The following MSH4 variants were observed in gnomAD, a reference collection of about 807,000 sequenced individuals.
The protein encoded by MSH4 is mutS protein homolog 4.
MSH4 carries 106 observed loss-of-function variants against 113.7 expected under a neutral mutation model. That is an observed-to-expected ratio of 0.93 (90% confidence interval 0.80 to 1.10). The LOEUF (loss-of-function observed/expected upper bound fraction) is 1.10, where lower values mean the gene tolerates loss of function less well. Ranked by LOEUF, MSH4 falls within the 50% of genes least tolerant of loss-of-function variation. MSH4 has a pLI of 0.00. For missense variants in MSH4, 1,061 were observed against 1,093.7 expected, an observed-to-expected ratio of 0.97 and a Z score of 0.42; for synonymous variants, 368 against 380.2, an observed-to-expected ratio of 0.97 and a Z score of 0.37.
At chr1:75,827,158 A>G (rs1221510235) in intron 7 of MSH4, among the ~76,000 whole-genome samples, 1 of 152,204 alleles carries the variant, frequency 6.6e-6, no homozygotes, top group Non-Finnish European at 1.5e-5. Flanking sequence ...AAACCCTACA[A>G]GCAAGAAGAG....
At chr1:75,843,915 G>A (rs1393761626) in intron 7 of MSH4, among the ~76,000 whole-genome samples, 4 of 151,886 alleles carry the variant, frequency 2.6e-5, no homozygotes, top group African/African-American at 7.3e-5. Context: ...GGGTTCAAGC[G>A]ATTCTCCTGC....
At chr1:75,832,340 G>A (rs12079065) in intron 7 of MSH4, among the ~76,000 whole-genome samples, 8,926 of 152,124 alleles carry the variant, frequency 0.059, 466 homozygotes, top group African/African-American at 0.14. Context: ...ATTCACAGCC[G>A]AATTCTACCA....
chr1:75,900,102 CAT>C (rs1652476178), intron 19 of MSH4, among the ~76,000 whole-genome samples: 1 of 151,968 alleles, frequency 6.6e-6, no homozygotes, highest in Non-Finnish European at 1.5e-5. Context: ...ATGTAAGCCT[CAT>C]AACTCTTCAT....
At chr1:75,813,273 T>G (rs1248340751) in intron 4 of MSH4, among the ~76,000 whole-genome samples, 1 of 152,204 alleles carries the variant, frequency 6.6e-6, no homozygotes, top group African/African-American at 2.4e-5. Context: ...ATCCTTTTGC[T>G]GTGAGACACA....
At chr1:75,896,394 C>CACACACACACACACACAA (rs571761055) in intron 17 of MSH4, among the ~76,000 whole-genome samples, 1 of 147,178 alleles carries the variant, frequency 6.8e-6, no homozygotes. Context: ...CACACACACA[C>CACACACACACACACACAA]CCTATTGGTC....
intron 18 of MSH4, 112 bp downstream of exon 18, chr1:75,898,193 T>A (rs947903842): frequency 6.3e-5 from 40 of 631,560 alleles, no homozygotes; most frequent in African/African-American, 6.2e-4. Flanking sequence ...TCTCATTCTT[T>A]TGAGTGCTTA....
chr1:75,887,965 G>C (rs1283478928), intron 15 of MSH4, among the ~76,000 whole-genome samples: 1 of 151,330 alleles, frequency 6.6e-6, no homozygotes, highest in Non-Finnish European at 1.5e-5. Context: ...AAATAGAGTA[G>C]AATGGGGGAG....
Position 75,880,159 on chromosome 1 carries a change from A to C in MSH4, c.1781+6A>C, listed in dbSNP as rs1190207277. ...ATCTATCACATGACTTATATGTAAGAGCATTTGAAGTATTTGAATATTGAA... is the reference window on the plus strand; with the variant it reads ...ATCTATCACATGACTTATATGTAAGCGCATTTGAAGTATTTGAATATTGAA... On this transcript the variant is annotated splice_donor_region_variant and intron_variant, in intron 13 of 19. Coordinates refer to ENST00000263187, the MANE Select transcript of MSH4 (RefSeq NM_002440.4). The C allele has an allele frequency of 2.2e-6, 3 of 1,389,542 alleles. No homozygotes were observed. The allele number at this position is 1,389,542 out of a possible 1,614,324, so 86.1% of individuals were successfully genotyped here. A position where few individuals can be genotyped will look rare whatever the true frequency, so the allele number is the denominator to read the frequency against.
At chr1:75,869,821 A>G (rs1198259727) in intron 9 of MSH4, among the ~76,000 whole-genome samples, 1 of 152,178 alleles carries the variant, frequency 6.6e-6, no homozygotes, top group Non-Finnish European at 1.5e-5. Flanking sequence ...CTCTGTTAGG[A>G]CAGTGCAGAA....
At chr1:75,856,153 T>C (rs976489549) in intron 8 of MSH4, among the ~76,000 whole-genome samples, 2 of 152,152 alleles carry the variant, frequency 1.3e-5, no homozygotes, top group Non-Finnish European at 2.9e-5. Context: ...TTTAGAAAAG[T>C]CTTCTGGTCT....
chr1:75,813,694 A>T (rs138179511), intron 4 of MSH4, among the ~76,000 whole-genome samples: 1 of 148,646 alleles, frequency 6.7e-6, no homozygotes, highest in African/African-American at 2.4e-5. Flanking sequence ...CATTATTACT[A>T]TTATGACTAC....
Position 75,867,496 on chromosome 1 carries a change from G to A in MSH4, c.1231-18G>A. 1 of 1,439,572 alleles carries A rather than the reference G, an allele frequency of 6.9e-7. No individual in the cohort carries two copies. The highest frequency in any genetic ancestry group is 2.3e-5 in the East Asian group (1 of 43,728). 89.2% of individuals were successfully genotyped at this position (1,439,572 alleles called of 1,614,324 possible). A position where few individuals can be genotyped will look rare whatever the true frequency, so the allele number is the denominator to read the frequency against. ...ATATTTATGGTGTCCATCCAAATTTGGGTTTTTATCTTAACAGGTCAATGC... is the reference window on the plus strand; with the variant it reads ...ATATTTATGGTGTCCATCCAAATTTAGGTTTTTATCTTAACAGGTCAATGC... On this transcript the variant is annotated intron_variant, in intron 8 of 19. Coordinates refer to ENST00000263187, the MANE Select transcript of MSH4 (RefSeq NM_002440.4).
At chr1:75,814,862 A>G (rs1030806178) in intron 4 of MSH4, among the ~76,000 whole-genome samples, 159 bp from the exon 5 acceptor site, 1 of 152,234 alleles carries the variant, frequency 6.6e-6, no homozygotes, top group Non-Finnish European at 1.5e-5. Context: ...AGCAAGAATA[A>G]TCATTCTTTT....
At chr1:75,835,943 G>A (rs17648749) in intron 7 of MSH4, among the ~76,000 whole-genome samples, 2,073 of 152,246 alleles carry the variant, frequency 0.014, 21 homozygotes, top group Middle Eastern at 0.044. Flanking sequence ...ACCTTTCGGA[G>A]TTCACCTTTT....
chr1:75,860,513 T>A (rs1418883298), intron 8 of MSH4, among the ~76,000 whole-genome samples: 3 of 152,214 alleles, frequency 2.0e-5, no homozygotes, highest in Non-Finnish European at 4.4e-5. Flanking sequence ...TATTTCTCCT[T>A]CACTTATGAA....
At chr1:75,902,709 A>G (rs1347632172) in intron 19 of MSH4, among the ~76,000 whole-genome samples, 92 of 35,324 alleles carry the variant, frequency 2.6e-3, no homozygotes, top group African/African-American at 0.011. Context: ...ATATATATAT[A>G]TATATATATA....
In MSH4 at chr1:75,881,162, A is replaced by T. The variant is rs1011621305; in HGVS notation, c.1782-84A>T. 20 of 1,052,636 alleles carry T rather than the reference A, an allele frequency of 1.9e-5. No homozygotes were observed. In the East Asian group the frequency reaches 4.7e-4, roughly 25 times the overall value. 65.2% of individuals were successfully genotyped at this position (1,052,636 alleles called of 1,614,324 possible). ...ATGTGAATATTATTTTACTTCAGGC[A>T]ATGAATTTAATATTATTTTACGATT... On this transcript the variant is annotated intron_variant, in intron 13 of 19. Coordinates refer to ENST00000263187, the MANE Select transcript of MSH4 (RefSeq NM_002440.4).
intron 19 of MSH4, among the ~76,000 whole-genome samples, chr1:75,907,036 A>C (rs1354664637): frequency 1.3e-5 from 2 of 152,068 alleles, no homozygotes; most frequent in Admixed American, 6.6e-5. Context: ...TAGAGATATG[A>C]GTAGATTACA....
chr1:75,841,189 CTT>C, intron 7 of MSH4, among the ~76,000 whole-genome samples: 2 of 107,050 alleles, frequency 1.9e-5, no homozygotes, highest in East Asian at 6.4e-4. Flanking sequence ...CCCGCTTTCT[CTT>C]CTTTTTTTTT....
Sources: gnomAD v4.1 joint callset for allele counts (sites outside exome capture counted in the v4.1 genomes callset) on GRCh38, gnomAD v4.1.1 for gene constraint, MANE v1.5 for transcripts, NCBI Gene and HGNC (gene_info 2026-07-23, HGNC 2026-07-21) for gene names.